The following KLF13 variants were observed in gnomAD, a reference collection of about 807,000 sequenced individuals.
KLF13 encodes the protein Krueppel-like factor 13.
Under a neutral mutation model 16.7 loss-of-function variants are expected in KLF13, and 8 were observed. The observed-to-expected ratio is 0.48, with a 90% CI of 0.28 to 0.87. The LOEUF is 0.87. Among genes scored for constraint, KLF13 ranks in the 40% least tolerant of loss-of-function variants. The probability of loss-of-function intolerance (pLI) is 0.10; values close to 1 mark genes in which losing one functional copy is unlikely to be tolerated. For missense variants in KLF13, 447 were observed against 452.2 expected, an observed-to-expected ratio of 0.99 and a Z score of 0.10; for synonymous variants, 245 against 208.4, an observed-to-expected ratio of 1.18 and a Z score of -1.51.
chr15:31,332,325 A>G (rs2038847428), intron 1 of KLF13, among the ~76,000 whole-genome samples: 1 of 152,230 alleles, frequency 6.6e-6, no homozygotes, highest in African/African-American at 2.4e-5. Flanking sequence ...CTCCTTTTGC[A>G]TGTGTGAGAA....
chr15:31,405,252 T>C (rs1256758601), downstream of KLF13, among the ~76,000 whole-genome samples: 1 of 152,146 alleles, frequency 6.6e-6, no homozygotes, highest in Non-Finnish European at 1.5e-5. Flanking sequence ...AGGCAGCGAT[T>C]GCAGTGAGCC....
intron 1 of KLF13, among the ~76,000 whole-genome samples, chr15:31,347,940 C>T (rs1264843792): frequency 2.0e-5 from 3 of 152,246 alleles, no homozygotes; most frequent in African/African-American, 4.8e-5. Context: ...AGGAAGAGAG[C>T]TGCGCTTCTC....
At chr15:31,418,916 C>T (rs960255259) in intron 1 of KLF13, among the ~76,000 whole-genome samples, 2 of 152,078 alleles carry the variant, frequency 1.3e-5, no homozygotes, top group African/African-American at 4.8e-5. Context: ...CTGAGACCAG[C>T]CTGGGCAACA....
chr15:31,395,436 A>G lies in KLF13; in HGVS notation n.529+1745A>G, dbSNP rs139394951. ...TGTGTGTACAAGCTTCTGTGTAGAC[A>G]TAAGTTTTCTTTTTTCCTTATTTAT... is the stretch of plus-strand genomic sequence containing the variant. On this transcript the variant is annotated intron_variant and non_coding_transcript_variant, in intron 2 of 2. Coordinates refer to the KLF13 transcript ENST00000500533. Among the ~76,000 whole-genome samples the G allele has an allele frequency of 4.0e-3, 603 of 152,292 alleles. 3 individuals carry two copies. Among genetic ancestry groups the G allele is most frequent in the African/African-American group, 0.014 (581 of 41,564 alleles).
intron 1 of KLF13, among the ~76,000 whole-genome samples, chr15:31,386,071 AT>A (rs1429762592): frequency 6.6e-6 from 1 of 152,272 alleles, no homozygotes; most frequent in Non-Finnish European, 1.5e-5. Context: ...CAGCCACAAC[AT>A]TCCCTTTAGT....
At chr15:31,363,598 T>C (rs1399345034) in intron 1 of KLF13, among the ~76,000 whole-genome samples, 1 of 152,230 alleles carries the variant, frequency 6.6e-6, no homozygotes, top group African/African-American at 2.4e-5. Context: ...GTGATTCTCC[T>C]GTCTCAGCCT....
intron 2 of KLF13, among the ~76,000 whole-genome samples, chr15:31,399,275 A>G (rs2040000320): frequency 6.6e-6 from 1 of 152,182 alleles, no homozygotes; most frequent in Non-Finnish European, 1.5e-5. Flanking sequence ...TCTGCCTCCC[A>G]GGATCAAGCG....
At chr15:31,395,141 G>A (rs1465615209) in intron 2 of KLF13, among the ~76,000 whole-genome samples, 4 of 151,990 alleles carry the variant, frequency 2.6e-5, no homozygotes, top group Non-Finnish European at 4.4e-5. Flanking sequence ...CACCACGCCC[G>A]GCTAATTTTT....
intron 2 of KLF13, among the ~76,000 whole-genome samples, chr15:31,397,297 C>T (rs999756102): frequency 6.6e-6 from 1 of 152,122 alleles, no homozygotes; most frequent in Non-Finnish European, 1.5e-5. Flanking sequence ...GGCAGGCTTC[C>T]CGGCGCTCCG....
rs1057444584 is a variant in KLF13 at position 31,327,542 on chromosome 15, C to T, written c.330C>T (p.Ala110=). 1.3e-5 allele frequency: 14 copies of T among 1,110,738 alleles called. No homozygotes were observed. Among genetic ancestry groups the T allele is most frequent in the Non-Finnish European group, 1.5e-5 (14 of 910,654 alleles). 68.8% of individuals were successfully genotyped at this position (1,110,738 alleles called of 1,614,324 possible). Residue 110 remains alanine (A), a synonymous_variant, in exon 1 of 2, where the codon GCC becomes GCT. Transcript: ENST00000307145. ...PPAPEPTSPG[A]EGAAAAPPSP... ...CCCCCGAGCCCACCTCCCCCGGCGCCGAAGGCGCGGCGGCCGCGCCCCCCA... is the reference window on the plus strand; with the variant it reads ...CCCCCGAGCCCACCTCCCCCGGCGCTGAAGGCGCGGCGGCCGCGCCCCCCA...
intron 1 of KLF13, among the ~76,000 whole-genome samples, chr15:31,342,967 G>A (rs978321777): frequency 3.9e-5 from 6 of 152,246 alleles, no homozygotes; most frequent in African/African-American, 9.6e-5. Context: ...TGATTGCTCC[G>A]TGGACACTTG....
chr15:31,433,770 G>A (rs2040499023), intron 1 of KLF13, among the ~76,000 whole-genome samples: 1 of 152,228 alleles, frequency 6.6e-6, no homozygotes, highest in African/African-American at 2.4e-5. Context: ...CCCTGTGTGG[G>A]CTGACACTGA....
At chr15:31,405,017 T>C (rs977164082), downstream of KLF13, among the ~76,000 whole-genome samples, 1 of 152,176 alleles carries the variant, frequency 6.6e-6, no homozygotes, top group African/African-American at 2.4e-5. Context: ...ACCAATGATA[T>C]GCTTATGCTG....
exon 3 of KLF13, chr15:31,404,664 T>G (rs933192307): frequency 1.3e-5 from 2 of 152,252 alleles, no homozygotes; most frequent in Non-Finnish European, 2.9e-5. Context: ...GGCAACCCAC[T>G]GGGTCCCCAT....
chr15:31,353,333 C>G (rs1433148662), intron 1 of KLF13, among the ~76,000 whole-genome samples: 1 of 152,168 alleles, frequency 6.6e-6, no homozygotes, highest in Non-Finnish European at 1.5e-5. Context: ...CCCAGGCGTT[C>G]TGTAACCGTA....
At chr15:31,350,432 G>C (rs2039198428) in intron 1 of KLF13, among the ~76,000 whole-genome samples, 1 of 152,224 alleles carries the variant, frequency 6.6e-6, no homozygotes, top group East Asian at 1.9e-4. Flanking sequence ...TCTCATTACA[G>C]ATCTCAAAGG....
chr15:31,428,820 A>AAAAAGAAAG (rs1555383801), intron 1 of KLF13, among the ~76,000 whole-genome samples: 1 of 72,650 alleles, frequency 1.4e-5, no homozygotes, highest in Non-Finnish European at 2.3e-5. Context: ...AAAAAAAAAA[A>AAAAAGAAAG]AAAAAGAAAA....
intron 1 of KLF13, among the ~76,000 whole-genome samples, chr15:31,356,838 G>T (rs1399126345): frequency 1.3e-5 from 2 of 152,164 alleles, no homozygotes; most frequent in African/African-American, 4.8e-5. Context: ...CCTTTACCAG[G>T]GCTTGGAGGT....
intron 1 of KLF13, among the ~76,000 whole-genome samples, chr15:31,410,616 CA>C (rs1182326100): frequency 2.4e-4 from 24 of 100,240 alleles, no homozygotes; most frequent in African/African-American, 5.4e-4. Flanking sequence ...CACACACACA[CA>C]CACACACACC....
Sources: allele counts gnomAD v4.1 joint callset (sites outside exome capture counted in the v4.1 genomes callset), GRCh38; gene constraint gnomAD v4.1.1; transcripts MANE v1.5; gene names NCBI Gene and HGNC (gene_info 2026-07-23, HGNC 2026-07-21).